Variants in ALKBH1 observed in about 807,000 individuals in gnomAD.
The protein encoded by ALKBH1 is alkB homolog 1, histone H2A dioxygenase.
ALKBH1 carries 31 observed loss-of-function variants against 36.6 expected under a neutral mutation model. That is an observed-to-expected ratio of 0.85 (90% CI 0.64 to 1.14). ALKBH1 has a LOEUF of 1.14. Ranked by LOEUF, ALKBH1 falls within the 50% of genes most tolerant of loss-of-function variation. The probability of loss-of-function intolerance (pLI) is 0.00; values close to 1 mark genes in which losing one functional copy is unlikely to be tolerated. For missense variants in ALKBH1, 490 were observed against 497.3 expected, an observed-to-expected ratio of 0.99 and a Z score of 0.14; for synonymous variants, 183 against 186.6, an observed-to-expected ratio of 0.98 and a Z score of 0.16.
At chr14:77,691,581 T>C (rs1157856725) in intron 3 of ALKBH1, among the ~76,000 whole-genome samples, 27 of 152,316 alleles carry the variant, frequency 1.8e-4, no homozygotes, top group Admixed American at 1.7e-3. Flanking sequence ...CACATAGTGA[T>C]ACAATGAAAA....
intron 2 of ALKBH1, among the ~76,000 whole-genome samples, chr14:77,700,763 G>A (rs150639407): frequency 0.018 from 2,736 of 152,138 alleles, 34 homozygotes; most frequent in South Asian, 0.05. Flanking sequence ...GTCCATTTTA[G>A]ACAACTGTTG....
At chr14:77,697,836 A>G (rs1227687759) in intron 2 of ALKBH1, among the ~76,000 whole-genome samples, 1 of 152,050 alleles carries the variant, frequency 6.6e-6, no homozygotes, top group African/African-American at 2.4e-5. Context: ...AGCATGGTGA[A>G]ACCCTGTCTC....
Position 77,672,907 on chromosome 14 carries a change from G to C in ALKBH1, c.*905C>G, listed in dbSNP as rs527761043. 2.2e-4 allele frequency: 34 copies of C among 152,206 alleles called. No individual in the cohort carries two copies. Among genetic ancestry groups the C allele is most frequent in the African/African-American group, 7.5e-4 (31 of 41,528 alleles). The allele number at this position is 152,206 out of a possible 1,614,324, so 9.4% of individuals were successfully genotyped here. A position where few individuals can be genotyped will look rare whatever the true frequency, so the allele number is the denominator to read the frequency against. ...CTCTCTTCTGTGAGACAGCCACAAA[G>C]AATACTTAGGGCACAGCAGAATGGT... On this transcript the variant is annotated 3_prime_UTR_variant, in exon 6 of 6. Transcript: ENST00000216489.
chr14:77,674,614 G>A (rs932911153), intron 5 of ALKBH1, among the ~76,000 whole-genome samples: 18 of 152,136 alleles, frequency 1.2e-4, no homozygotes, highest in Admixed American at 2.6e-4. Context: ...GTGCAGCGGC[G>A]CGATCTCGGC....
intron 1 of ALKBH1, among the ~76,000 whole-genome samples, chr14:77,707,151 C>A (rs905174779): frequency 6.6e-6 from 1 of 152,160 alleles, no homozygotes; most frequent in Admixed American, 6.5e-5. Context: ...TCTTGCCATG[C>A]CCCAGGCTGG....
chr14:77,694,097 C>CAT (rs957616070), intron 3 of ALKBH1, among the ~76,000 whole-genome samples: 4 of 152,194 alleles, frequency 2.6e-5, no homozygotes, highest in African/African-American at 9.6e-5. Context: ...TTCTAAACCG[C>CAT]ATCATAACAC....
At chr14:77,703,237 C>T (rs1048491671) in intron 2 of ALKBH1, among the ~76,000 whole-genome samples, 7 of 152,010 alleles carry the variant, frequency 4.6e-5, no homozygotes, top group Non-Finnish European at 1.0e-4. Context: ...CCCACCTTGG[C>T]CTTCTAAAGT....
At position 77,679,951 on chromosome 14, in the gene ALKBH1, G is replaced by A. The variant is rs950826692; in HGVS notation, c.475C>T (p.Arg159Trp). Residue 159 changes from arginine to tryptophan, a missense_variant, in exon 4 of 6, where the codon CGG (arginine) becomes TGG (tryptophan). Arg to Trp is a moderately radical substitution (Grantham distance 101). Coordinates refer to ENST00000216489, the MANE Select transcript of ALKBH1 (RefSeq NM_006020.3). Reference sequence around the variant, plus strand: ...TTCTCCAGTAAACTTCGGGGTCTCCGTTTAGTCGCTTCTTTATACCTGCAA... The same window carrying A: ...TTCTCCAGTAAACTTCGGGGTCTCCATTTAGTCGCTTCTTTATACCTGCAA... ...EFLRYKEATKRRPRSLLEKLR... is the reference protein window; with the variant it reads ...EFLRYKEATKWRPRSLLEKLR... The A allele has an allele frequency of 3.1e-6, 5 of 1,613,824 alleles. No homozygotes were observed. The highest frequency in any genetic ancestry group is 2.2e-5 in the East Asian group (1 of 44,898).
chr14:77,700,600 G>A (rs1179224803), intron 2 of ALKBH1, among the ~76,000 whole-genome samples: 1 of 152,076 alleles, frequency 6.6e-6, no homozygotes, highest in African/African-American at 2.4e-5. Flanking sequence ...GAAAAAGATA[G>A]GAAACCCCCC....
chr14:77,699,821 A>G (rs756923504), intron 2 of ALKBH1, among the ~76,000 whole-genome samples: 37 of 152,122 alleles, frequency 2.4e-4, no homozygotes, highest in African/African-American at 4.8e-4. Flanking sequence ...TTTGGGAGGC[A>G]AGGAGGGCGG....
chr14:77,689,706 G>C (rs547139700), intron 3 of ALKBH1, among the ~76,000 whole-genome samples: 6 of 152,202 alleles, frequency 3.9e-5, no homozygotes, highest in African/African-American at 1.4e-4. Flanking sequence ...AGTAGAAAGA[G>C]GAGAGGATTA....
At chr14:77,698,104 G>A (rs1475773055) in intron 2 of ALKBH1, among the ~76,000 whole-genome samples, 1 of 152,198 alleles carries the variant, frequency 6.6e-6, no homozygotes, top group Non-Finnish European at 1.5e-5. Flanking sequence ...TGTAAGACCA[G>A]CTATGAAAGA....
intron 1 of ALKBH1, among the ~76,000 whole-genome samples, chr14:77,705,070 T>C (rs934657550): frequency 6.6e-6 from 1 of 151,968 alleles, no homozygotes; most frequent in Non-Finnish European, 1.5e-5. Context: ...TTGTATAGAG[T>C]TGGTATTTAA....
chr14:77,684,615 C>T (rs116928208), intron 3 of ALKBH1, among the ~76,000 whole-genome samples: 5,270 of 152,298 alleles, frequency 0.035, 127 homozygotes, highest in Non-Finnish European at 0.053. Context: ...CCTGCCTCAG[C>T]CTCCTAACAG....
At chr14:77,680,419 G>A (rs2080230177) in intron 3 of ALKBH1, among the ~76,000 whole-genome samples, 1 of 152,090 alleles carries the variant, frequency 6.6e-6, no homozygotes. Flanking sequence ...TGGCTTCCCA[G>A]AATTGCAGGT....
chr14:77,690,973 G>A (rs964540068), intron 3 of ALKBH1, among the ~76,000 whole-genome samples: 1 of 151,946 alleles, frequency 6.6e-6, no homozygotes, highest in African/African-American at 2.4e-5. Flanking sequence ...GGCTAATTTT[G>A]TATTTTTAGT....
chr14:77,690,827 G>A (rs1363333486), intron 3 of ALKBH1, among the ~76,000 whole-genome samples: 1 of 150,770 alleles, frequency 6.6e-6, no homozygotes, highest in African/African-American at 2.4e-5. Flanking sequence ...TTGAGACGGA[G>A]TTTCACTCTT....
Position 77,672,853 on chromosome 14 carries a change from C to T in ALKBH1, c.*959G>A, listed in dbSNP as rs1341519849. The stretch of plus-strand genomic sequence containing the variant: ...CAAGCTGCCTACCCTCAGACAATAA[C>T]AGCAGTGACTGGAATATTAAGAAAT... On this transcript the variant is annotated 3_prime_UTR_variant, in exon 6 of 6. Coordinates refer to ENST00000216489, the MANE Select transcript of ALKBH1 (RefSeq NM_006020.3). 1 of 152,166 alleles carries T rather than the reference C, an allele frequency of 6.6e-6. No homozygotes were observed. Among genetic ancestry groups the T allele is most frequent in the Non-Finnish European group, 1.5e-5 (1 of 68,038 alleles). The allele number at this position is 152,166 out of a possible 1,614,324, so 9.4% of individuals were successfully genotyped here.
intron 3 of ALKBH1, among the ~76,000 whole-genome samples, chr14:77,690,194 A>C (rs145871165): frequency 6.6e-6 from 1 of 152,326 alleles, no homozygotes; most frequent in African/African-American, 2.4e-5. Context: ...AATCTTGAGC[A>C]TGCCTAGTGT....
Sources: allele counts gnomAD v4.1 joint callset (sites outside exome capture counted in the v4.1 genomes callset), GRCh38; gene constraint gnomAD v4.1.1; transcripts MANE v1.5; gene names NCBI Gene and HGNC (gene_info 2026-07-23, HGNC 2026-07-21).